RFC3: variants seen among roughly 807,000 people sequenced by gnomAD.
RFC3 encodes replication factor C subunit 3.
Under a neutral mutation model 45.1 loss-of-function variants are expected in RFC3, and 41 were observed. The ratio of observed to expected loss-of-function variants is 0.91; its 90% CI spans 0.71 to 1.18. RFC3 has a LOEUF of 1.18. Ranked by LOEUF, RFC3 falls within the 50% of genes most tolerant of loss-of-function variation. RFC3 has a pLI of 0.00. For missense variants in RFC3, 423 were observed against 428.1 expected (o/e 0.99, Z 0.10); for synonymous variants, 149 against 144.0 (o/e 1.03, Z -0.25).
At position 33,955,458 on chromosome 13, in the gene RFC3, A is replaced by G. The variant is rs145011620; in HGVS notation, c.880-10629A>G. Among the ~76,000 whole-genome samples, 118 of 152,308 alleles carry G rather than the reference A, an allele frequency of 7.7e-4. 1 individual carries two copies. The highest frequency in any genetic ancestry group is 1.3e-3 in the Admixed American group (20 of 15,296). Reference sequence around the variant, plus strand: ...TGTCAGGTAGGAAGAGTATATCTACATGATAAACAGGCGCTTACCTGAAGG... The same window carrying G: ...TGTCAGGTAGGAAGAGTATATCTACGTGATAAACAGGCGCTTACCTGAAGG... On this transcript the variant is annotated intron_variant, in intron 8 of 8. Coordinates refer to the RFC3 transcript ENST00000434425.
chr13:33,934,715 G>C (rs2082875257), intron 8 of RFC3, among the ~76,000 whole-genome samples: 1 of 152,128 alleles, frequency 6.6e-6, no homozygotes, highest in Non-Finnish European at 1.5e-5. Flanking sequence ...TTCTGTCATT[G>C]GGTCTATCTG....
chr13:33,872,248 A>T (rs2082414766), intron 8 of RFC3, among the ~76,000 whole-genome samples: 1 of 152,186 alleles, frequency 6.6e-6, no homozygotes, highest in South Asian at 2.1e-4. Flanking sequence ...GGAGGGGAGA[A>T]GGCCTTATTA....
chr13:33,940,392 T>C (rs1295901580), intron 8 of RFC3, among the ~76,000 whole-genome samples: 1 of 152,310 alleles, frequency 6.6e-6, no homozygotes, highest in African/African-American at 2.4e-5. Context: ...GATGATTTCA[T>C]CAGAGAATAT....
chr13:33,976,024 G>A, the RFC3 span, among the ~76,000 whole-genome samples: 2 of 152,122 alleles, frequency 1.3e-5, no homozygotes, highest in African/African-American at 4.8e-5. Flanking sequence ...TATTCGAGAT[G>A]AACTTGGAGT....
chr13:33,834,647 ATTATC>A (rs1158768156), intron 7 of RFC3, among the ~76,000 whole-genome samples: 1 of 151,936 alleles, frequency 6.6e-6, no homozygotes, highest in Non-Finnish European at 1.5e-5. Context: ...TCATGCGTAT[ATTATC>A]TTGTGTCACC....
At chr13:33,824,084 C>A (rs1057350322) in intron 3 of RFC3, 100 bp downstream of exon 3, 2 of 576,194 alleles carry the variant, frequency 3.5e-6, no homozygotes, top group Non-Finnish European at 3.0e-6. Context: ...TAAATTGATA[C>A]GTGTGGAAGC....
chr13:33,940,413 GT>G (rs1273701966), intron 8 of RFC3, among the ~76,000 whole-genome samples: 1 of 152,172 alleles, frequency 6.6e-6, no homozygotes, highest in African/African-American at 2.4e-5. Flanking sequence ...TCTCTGGATA[GT>G]TTTGGTTCTT....
At chr13:33,832,067 C>A (rs1238025596) in intron 7 of RFC3, among the ~76,000 whole-genome samples, 1 of 152,138 alleles carries the variant, frequency 6.6e-6, no homozygotes, top group South Asian at 2.1e-4. Flanking sequence ...TGTAGGTTGA[C>A]CATTCTGAAA....
rs545390738 is a variant in RFC3 at position 33,958,507 on chromosome 13, A to G, written c.880-7580A>G. On this transcript the variant is annotated intron_variant, in intron 8 of 8. Transcript: ENST00000434425. ...ACATGTTTGTACCAGATCAAACTGG[A>G]TGAGTGTTACCCCTGAGAGGTGGAG... Among the ~76,000 whole-genome samples, 4 of 152,332 alleles carry G rather than the reference A, an allele frequency of 2.6e-5. No individual in the cohort carries two copies. The East Asian group carries it at 7.7e-4, about 29-fold the overall frequency.
chr13:33,882,056 T>A (rs946802689), intron 8 of RFC3, among the ~76,000 whole-genome samples: 1 of 152,224 alleles, frequency 6.6e-6, no homozygotes, highest in African/African-American at 2.4e-5. Context: ...GAACTTTTTG[T>A]TTTGTTTTCA....
At chr13:33,822,312 A>G (rs1398492984) in intron 2 of RFC3, among the ~76,000 whole-genome samples, 1 of 152,212 alleles carries the variant, frequency 6.6e-6, no homozygotes, top group East Asian at 1.9e-4. Context: ...TTAATATTTT[A>G]AATTATCTGT....
chr13:33,825,043 AC>A (rs1364058122), intron 3 of RFC3, among the ~76,000 whole-genome samples: 1 of 152,106 alleles, frequency 6.6e-6, no homozygotes, highest in Non-Finnish European at 1.5e-5. Context: ...AACTGCTTTG[AC>A]CTGTTTTTCT....
At chr13:33,916,663 T>A (rs1359425846) in intron 8 of RFC3, among the ~76,000 whole-genome samples, 1 of 152,176 alleles carries the variant, frequency 6.6e-6, no homozygotes, top group Non-Finnish European at 1.5e-5. Context: ...TCTGTGTGTC[T>A]GTGTATATGT....
At chr13:33,858,428 A>G (rs2082320522) in intron 8 of RFC3, among the ~76,000 whole-genome samples, 1 of 152,144 alleles carries the variant, frequency 6.6e-6, no homozygotes, top group South Asian at 2.1e-4. Context: ...GGTAAAAGCA[A>G]TTCTGCGGCT....
intron 8 of RFC3, among the ~76,000 whole-genome samples, chr13:33,860,758 G>T (rs1019250637): frequency 8.5e-5 from 13 of 152,088 alleles, no homozygotes; most frequent in African/African-American, 3.1e-4. Context: ...GGTTACTTTG[G>T]CAACCGCCAA....
At chr13:33,973,037 AG>A in the RFC3 span, among the ~76,000 whole-genome samples, 1 of 152,316 alleles carries the variant, frequency 6.6e-6, no homozygotes, top group Middle Eastern at 3.4e-3. Flanking sequence ...TCAGCTTTGA[AG>A]GATGATATAG....
At chr13:33,875,793 T>C (rs1317818826) in intron 8 of RFC3, among the ~76,000 whole-genome samples, 1 of 152,084 alleles carries the variant, frequency 6.6e-6, no homozygotes, top group African/African-American at 2.4e-5. Context: ...CAATCACTCA[T>C]GGAGCAACTG....
downstream of RFC3, among the ~76,000 whole-genome samples, chr13:33,967,880 T>C (rs936811852): frequency 3.3e-5 from 5 of 152,230 alleles, no homozygotes; most frequent in African/African-American, 4.8e-5. Flanking sequence ...ATCATACTTA[T>C]TGATATCTTA....
chr13:33,920,420 CTTTTTT>C (rs777079510), intron 8 of RFC3, among the ~76,000 whole-genome samples: 4 of 83,168 alleles, frequency 4.8e-5, no homozygotes, highest in African/African-American at 1.0e-4. Flanking sequence ...TACAACCACA[CTTTTTT>C]TTTTTTTTTT....
Sources: allele counts gnomAD v4.1 joint callset (sites outside exome capture counted in the v4.1 genomes callset), GRCh38; gene constraint gnomAD v4.1.1; transcripts MANE v1.5; gene names NCBI Gene and HGNC (gene_info 2026-07-23, HGNC 2026-07-21).